The following ADAMTSL1 variants were observed in gnomAD, a reference collection of about 807,000 sequenced individuals.
The protein encoded by ADAMTSL1 is ADAMTS like 1.
A neutral mutation model predicts 201.8 loss-of-function variants in ADAMTSL1; 126 were observed. The ratio of observed to expected loss-of-function variants is 0.62; its 90% CI spans 0.54 to 0.72. ADAMTSL1 has a LOEUF of 0.72. ADAMTSL1 is among the 30% of genes least tolerant of loss of function. ADAMTSL1 has a pLI of 0.00. For missense variants in ADAMTSL1, 2,679 were observed against 2,277.8 expected, an observed-to-expected ratio of 1.18 and a Z score of -3.59; for synonymous variants, 1,121 against 903.4, an observed-to-expected ratio of 1.24 and a Z score of -4.32.
At chr9:18,321,709 C>T (rs1009414935) in intron 2 of ADAMTSL1, among the ~76,000 whole-genome samples, 3 of 152,006 alleles carry the variant, frequency 2.0e-5, no homozygotes, top group Non-Finnish European at 4.4e-5. Context: ...AGGAGAATGA[C>T]GTGAACCCGG....
chr9:18,179,331 G>A (rs1664759759), intron 2 of ADAMTSL1, among the ~76,000 whole-genome samples: 1 of 152,112 alleles, frequency 6.6e-6, no homozygotes, highest in Non-Finnish European at 1.5e-5. Flanking sequence ...AGAGAAAAAA[G>A]AATAAAAAGA....
At chr9:18,321,724 C>T (rs926858061) in intron 2 of ADAMTSL1, among the ~76,000 whole-genome samples, 1 of 149,820 alleles carries the variant, frequency 6.7e-6, no homozygotes, top group African/African-American at 2.5e-5. Context: ...ACCCGGGAGG[C>T]GGAGCTTGCA....
chr9:18,318,789 C>T (rs551213914), intron 2 of ADAMTSL1, among the ~76,000 whole-genome samples: 1 of 152,062 alleles, frequency 6.6e-6, no homozygotes, highest in East Asian at 1.9e-4. Flanking sequence ...GCAAGTCTAA[C>T]GGCTGAAGGA....
chr9:18,108,011 G>A (rs1205006069), intron 1 of ADAMTSL1, among the ~76,000 whole-genome samples: 1 of 152,048 alleles, frequency 6.6e-6, no homozygotes, highest in Admixed American at 6.6e-5. Flanking sequence ...TATAGGAAGT[G>A]GCTTTATAAT....
At chr9:17,960,802 C>G (rs1817719834) in intron 1 of ADAMTSL1, among the ~76,000 whole-genome samples, 1 of 152,174 alleles carries the variant, frequency 6.6e-6, no homozygotes, top group Non-Finnish European at 1.5e-5. Flanking sequence ...TTTCCCAGAG[C>G]CTTCCTTTCC....
At chr9:18,465,087 G>C (rs1820952230) in intron 2 of ADAMTSL1, among the ~76,000 whole-genome samples, 1 of 152,192 alleles carries the variant, frequency 6.6e-6, no homozygotes, top group Non-Finnish European at 1.5e-5. Context: ...TCCTAGAAAA[G>C]TTTACAGAAT....
chr9:17,931,390 C>T (rs185451003), intron 1 of ADAMTSL1, among the ~76,000 whole-genome samples: 42 of 152,176 alleles, frequency 2.8e-4, no homozygotes, highest in Admixed American at 5.2e-4. Context: ...GAGGAGCTTT[C>T]GAGATTTTCC....
chr9:18,146,101 AG>A (rs1451273806), intron 1 of ADAMTSL1, among the ~76,000 whole-genome samples: 1 of 152,180 alleles, frequency 6.6e-6, no homozygotes, highest in African/African-American at 2.4e-5. Context: ...AAGGATACAA[AG>A]CAACACATTC....
chr9:18,757,375 T>A (rs1366211566), intron 16 of ADAMTSL1, among the ~76,000 whole-genome samples: 1 of 152,110 alleles, frequency 6.6e-6, no homozygotes, highest in Non-Finnish European at 1.5e-5. Context: ...AGGGATCATA[T>A]CCCACGGGTG....
intron 1 of ADAMTSL1, among the ~76,000 whole-genome samples, chr9:17,923,688 T>C (rs1588422398): frequency 8.7e-6 from 1 of 115,202 alleles, no homozygotes; most frequent in South Asian, 3.9e-4. Context: ...AGAGAGGGCA[T>C]CCCTGTCTTG....
At chr9:18,703,701 C>CATATATATATATATATATAT (rs72258520) in intron 13 of ADAMTSL1, among the ~76,000 whole-genome samples, 2,041 of 78,096 alleles carry the variant, frequency 0.026, 224 homozygotes, top group Non-Finnish European at 0.032. Context: ...TGCGCACATA[C>CATATATATATATATATATAT]ATATATATAT....
At chr9:18,192,498 A>G (rs1312902976) in intron 2 of ADAMTSL1, among the ~76,000 whole-genome samples, 1 of 152,122 alleles carries the variant, frequency 6.6e-6, no homozygotes, top group Non-Finnish European at 1.5e-5. Flanking sequence ...GTGGAGTATT[A>G]AGCTTGCTGA....
chr9:18,156,155 C>T (rs1261983456), intron 1 of ADAMTSL1, among the ~76,000 whole-genome samples: 3 of 151,994 alleles, frequency 2.0e-5, no homozygotes, highest in Non-Finnish European at 4.4e-5. Flanking sequence ...TATGCTCAGT[C>T]ATTGGAACAG....
chr9:18,315,922 C>T (rs1262595807), intron 2 of ADAMTSL1, among the ~76,000 whole-genome samples: 1 of 152,106 alleles, frequency 6.6e-6, no homozygotes, highest in African/African-American at 2.4e-5. Flanking sequence ...TATCAGGGAA[C>T]CTGCCCCGAT....
intron 17 of ADAMTSL1, among the ~76,000 whole-genome samples, chr9:18,774,299 C>A (rs1820857864): frequency 6.6e-6 from 1 of 152,072 alleles, no homozygotes; most frequent in Non-Finnish European, 1.5e-5. Context: ...AATTACAAAC[C>A]TCTTGTCTGA....
At chr9:18,116,747 G>C (rs1053352941) in intron 1 of ADAMTSL1, among the ~76,000 whole-genome samples, 3 of 151,896 alleles carry the variant, frequency 2.0e-5, no homozygotes, top group Non-Finnish European at 4.4e-5. Context: ...TTAAGTTTTA[G>C]GGTACATGTG....
At position 18,753,362 on chromosome 9, in the gene ADAMTSL1, G is replaced by A. The variant is rs1021438196; in HGVS notation, c.2071G>A (p.Val691Ile). 54 of 1,612,268 alleles carry A rather than the reference G, an allele frequency of 3.3e-5. No homozygotes were observed. In the East Asian group the frequency reaches 6.0e-4, roughly 18 times the overall value. The part of the protein sequence containing the change: ...TCGVGLQTRD[V>I]FCSHLLSREM... The stretch of plus-strand genomic sequence containing the variant: ...TGGGGTCGGCCTACAGACCAGAGAC[G>A]TCTTCTGCAGCCACCTGCTTTCCAG... Residue 691 changes from valine (V) to isoleucine (I), a missense_variant, in exon 16 of 29, where the codon GTC (valine) becomes ATC (isoleucine). Physicochemically the swap from Val to Ile is conservative, Grantham distance 29. Coordinates refer to ENST00000380548, the MANE Select transcript of ADAMTSL1 (RefSeq NM_001040272.6).
intron 1 of ADAMTSL1, among the ~76,000 whole-genome samples, chr9:18,021,575 G>T (rs1179876757): frequency 1.3e-5 from 2 of 152,072 alleles, no homozygotes; most frequent in Non-Finnish European, 2.9e-5. Context: ...CATGGGACAA[G>T]CATAAACTTT....
chr9:18,648,720 C>T (rs1343162022), intron 7 of ADAMTSL1, among the ~76,000 whole-genome samples: 2,782 of 148,902 alleles, frequency 0.019, no homozygotes, highest in African/African-American at 0.067. Context: ...TTGGTCCCCA[C>T]TGTCTTCTGG....
Sources: allele counts gnomAD v4.1 joint callset (sites outside exome capture counted in the v4.1 genomes callset), GRCh38; gene constraint gnomAD v4.1.1; transcripts MANE v1.5; gene names NCBI Gene and HGNC (gene_info 2026-07-23, HGNC 2026-07-21).